Variants in ADAMTSL1 observed in about 807,000 individuals in gnomAD.
ADAMTSL1 encodes ADAMTS-like protein 1.
In ADAMTSL1, 126 loss-of-function variants were observed where a neutral mutation model predicts 201.8. The observed-to-expected ratio is 0.62, with a 90% CI of 0.54 to 0.72. The LOEUF is 0.72. Among genes scored for constraint, ADAMTSL1 ranks in the 30% least tolerant of loss-of-function variants. The pLI is 0.00. For synonymous variants in ADAMTSL1, 1,121 were observed against 903.4 expected (o/e 1.24, Z -4.32); for missense variants, 2,679 against 2,277.8 (o/e 1.18, Z -3.59).
chr9:18,732,426 A>T (rs77674910), intron 15 of ADAMTSL1, among the ~76,000 whole-genome samples: 3,520 of 152,238 alleles, frequency 0.023, 57 homozygotes, highest in Non-Finnish European at 0.038. Flanking sequence ...TAATCCAATA[A>T]GGTGTGTTTT....
chr9:17,943,139 A>C (rs1255978184), intron 1 of ADAMTSL1, among the ~76,000 whole-genome samples: 2 of 151,886 alleles, frequency 1.3e-5, no homozygotes, highest in East Asian at 3.9e-4. Context: ...ACAGAGTCTC[A>C]CTATGTTGCC....
At position 17,973,207 on chromosome 9, in the gene ADAMTSL1, C is replaced by G. The variant is rs1405353431; in HGVS notation, c.87+66285C>G. ...GTCAATTTTGGCTTTTGTTGCCATT[C>G]CTTTTGGTGTTTTAGACATGAAGTC... On this transcript the variant is annotated intron_variant, in intron 1 of 29. Coordinates refer to the ADAMTSL1 transcript ENST00000680146. Among the ~76,000 whole-genome samples the G allele has an allele frequency of 1.3e-4, 19 of 151,078 alleles. No individual in the cohort carries two copies. In the South Asian group the frequency reaches 1.3e-3, roughly 10 times the overall value.
intron 1 of ADAMTSL1, among the ~76,000 whole-genome samples, chr9:17,942,831 C>G (rs1401635275): frequency 1.3e-5 from 2 of 152,126 alleles, no homozygotes; most frequent in African/African-American, 2.4e-5. Flanking sequence ...TTTCTTTTTA[C>G]CAACTGGTAT....
rs993946415 is a variant in ADAMTSL1 at position 18,881,764 on chromosome 9, G to A, written c.4250-6067G>A. ...GTGCAATAAAGCAAAGTACAATAAAGTGAGGTATGCCTGTATTATGAAGGC... is the reference window on the plus strand; with the variant it reads ...GTGCAATAAAGCAAAGTACAATAAAATGAGGTATGCCTGTATTATGAAGGC... On this transcript the variant is annotated intron_variant, in intron 23 of 28. Coordinates refer to ENST00000380548, the MANE Select transcript of ADAMTSL1 (RefSeq NM_001040272.6). Among the ~76,000 whole-genome samples, 5 of 152,328 alleles carry A rather than the reference G, an allele frequency of 3.3e-5. No individual in the cohort carries two copies. The South Asian group carries it at 1.0e-3, about 32-fold the overall frequency.
chr9:18,882,524 G>A (rs1361444001), intron 23 of ADAMTSL1, among the ~76,000 whole-genome samples: 5 of 152,274 alleles, frequency 3.3e-5, no homozygotes, highest in African/African-American at 1.2e-4. Flanking sequence ...GGGTTGGAGG[G>A]TATAGGTGCC....
At chr9:18,275,707 C>T (rs1832560686) in intron 2 of ADAMTSL1, among the ~76,000 whole-genome samples, 1 of 152,086 alleles carries the variant, frequency 6.6e-6, no homozygotes, top group African/African-American at 2.4e-5. Flanking sequence ...CTTCGTATTG[C>T]TGAGTAGTAT....
intron 15 of ADAMTSL1, among the ~76,000 whole-genome samples, chr9:18,752,502 T>A (rs1819522853): frequency 6.6e-6 from 1 of 152,238 alleles, no homozygotes; most frequent in Non-Finnish European, 1.5e-5. Flanking sequence ...CCTGAGCCAC[T>A]GAGCTTTGTC....
Position 18,031,273 on chromosome 9 carries a change from G to A in ADAMTSL1, c.87+124351G>A, listed in dbSNP as rs557821081. Among the ~76,000 whole-genome samples, 9 of 152,256 alleles carry A rather than the reference G, an allele frequency of 5.9e-5. 1 individual carries two copies. Among genetic ancestry groups the A allele is most frequent in the African/African-American group, 2.2e-4 (9 of 41,542 alleles). Reference sequence around the variant, plus strand: ...GATTCCTTCTCATCTGAGGAGGCTGGTGTTTATTTTCCTTTTTGAAATTGC... The same window carrying A: ...GATTCCTTCTCATCTGAGGAGGCTGATGTTTATTTTCCTTTTTGAAATTGC... On this transcript the variant is annotated intron_variant, in intron 1 of 29. Transcript: ENST00000680146.
intron 15 of ADAMTSL1, among the ~76,000 whole-genome samples, chr9:18,738,745 G>GTT (rs1382419588): frequency 6.6e-6 from 1 of 152,176 alleles, no homozygotes; most frequent in African/African-American, 2.4e-5. Context: ...GTAAATGTGG[G>GTT]AGGCAAGCAA....
intron 21 of ADAMTSL1, 89 bp from the exon 22 acceptor site, chr9:18,826,195 G>A: frequency 2.7e-6 from 4 of 1,475,960 alleles, no homozygotes; most frequent in Non-Finnish European, 3.7e-6. Flanking sequence ...CCAGGGAAGG[G>A]GGATTCAAGA....
intron 2 of ADAMTSL1, among the ~76,000 whole-genome samples, chr9:18,227,197 A>G (rs1387209180): frequency 2.0e-5 from 3 of 152,074 alleles, no homozygotes; most frequent in African/African-American, 7.2e-5. Context: ...CATCTGTACT[A>G]TATCCATGCT....
chr9:18,218,777 T>C (rs1341349675), intron 2 of ADAMTSL1, among the ~76,000 whole-genome samples: 1 of 152,104 alleles, frequency 6.6e-6, no homozygotes, highest in East Asian at 1.9e-4. Context: ...GTTGAATTTG[T>C]CAATCTTTGC....
At chr9:17,943,966 C>T (rs1329989204) in intron 1 of ADAMTSL1, among the ~76,000 whole-genome samples, 3 of 151,766 alleles carry the variant, frequency 2.0e-5, no homozygotes, top group African/African-American at 7.3e-5. Flanking sequence ...AGAGGTGCCA[C>T]ACACCTTTAA....
intron 14 of ADAMTSL1, among the ~76,000 whole-genome samples, chr9:18,716,540 A>G (rs545171710): frequency 1.3e-5 from 2 of 149,462 alleles, no homozygotes; most frequent in East Asian, 4.0e-4. Context: ...ACAATGAGAT[A>G]CCATCTCACA....
chr9:18,285,163 T>C (rs569723561), intron 2 of ADAMTSL1, among the ~76,000 whole-genome samples: 2 of 152,240 alleles, frequency 1.3e-5, no homozygotes, highest in South Asian at 4.1e-4. Context: ...ATTCAAACTC[T>C]CAAAGGCAGT....
chr9:18,360,927 G>T (rs534117836), intron 2 of ADAMTSL1, among the ~76,000 whole-genome samples: 3 of 152,026 alleles, frequency 2.0e-5, no homozygotes, highest in East Asian at 3.9e-4. Context: ...TTTCCCTGCC[G>T]CCAAATAAAT....
chr9:18,503,208 CCT>C (rs1822931893), intron 1 of ADAMTSL1, among the ~76,000 whole-genome samples: 1 of 151,684 alleles, frequency 6.6e-6, no homozygotes, highest in Non-Finnish European at 1.5e-5. Flanking sequence ...TCCCCATTCC[CCT>C]CTCTCCCAGT....
At chr9:17,951,316 C>T (rs1302327581) in intron 1 of ADAMTSL1, among the ~76,000 whole-genome samples, 3 of 152,172 alleles carry the variant, frequency 2.0e-5, no homozygotes, top group Non-Finnish European at 4.4e-5. Flanking sequence ...CCACATGAGT[C>T]TGCCCAGAGT....
chr9:18,894,345 C>CTTTTTT (rs56112949), intron 26 of ADAMTSL1, among the ~76,000 whole-genome samples: 11,077 of 123,890 alleles, frequency 0.089, 1,350 homozygotes, highest in African/African-American at 0.26. Flanking sequence ...AAAACCTTGT[C>CTTTTTT]TTTTTTTTTT....
Sources: gnomAD v4.1 joint callset for allele counts (sites outside exome capture counted in the v4.1 genomes callset) on GRCh38, gnomAD v4.1.1 for gene constraint, MANE v1.5 for transcripts, NCBI Gene and HGNC (gene_info 2026-07-23, HGNC 2026-07-21) for gene names.